CAMTA1: variants seen among roughly 807,000 people sequenced by gnomAD.
CAMTA1 encodes the protein calmodulin-binding transcription activator 1.
CAMTA1 carries 27 observed loss-of-function variants against 170.9 expected under a neutral mutation model. The ratio of observed to expected loss-of-function variants is 0.16; its 90% CI spans 0.12 to 0.22. The LOEUF is 0.22. CAMTA1 is among the 10% of genes least tolerant of loss of function. The probability of loss-of-function intolerance (pLI) is 1.00; values close to 1 mark genes in which losing one functional copy is unlikely to be tolerated. For missense variants in CAMTA1, 1,619 were observed against 2,217.2 expected (o/e 0.73, Z 5.42); for synonymous variants, 833 against 891.5 (o/e 0.93, Z 1.17).
rs61745647 is a variant in CAMTA1, at chr1:7,738,159, C to T, written c.3859C>T (p.Leu1287Phe). The T allele has an allele frequency of 1.9e-6, 3 of 1,614,118 alleles. No individual in the cohort carries two copies. The highest frequency in any genetic ancestry group is 2.5e-6 in the Non-Finnish European group (3 of 1,179,982). Residue 1287 changes from leucine (L) to phenylalanine (F), a missense_variant, in exon 16 of 23, where the codon CTC (leucine) becomes TTC (phenylalanine). Leu to Phe is a conservative substitution (Grantham distance 22, BLOSUM62 0). Transcript: ENST00000303635. The surrounding 1 kb of genome is among the most constrained non-coding windows in gnomAD (Gnocchi z 4.9). ...PSSKQSVPETLSPSEGVRDFS... is the reference protein window; with the variant it reads ...PSSKQSVPETFSPSEGVRDFS... ...TTCTAAGCAGTCTGTCCCCGAGACA[C>T]TCAGCCCCAGTGAAGGAGTGAGGGA...
chr1:7,637,543 A>G (rs1024633296), intron 6 of CAMTA1, among the ~76,000 whole-genome samples: 4 of 151,990 alleles, frequency 2.6e-5, no homozygotes, highest in African/African-American at 7.3e-5. Context: ...TACCCCCTCC[A>G]TGCAAAGGGC....
Position 7,736,679 on chromosome 1 carries a change from C to A in CAMTA1, c.3263+139C>A. 1.2e-6 allele frequency: 1 copy of A among 842,926 alleles called. No individual in the cohort carries two copies. The highest frequency in any genetic ancestry group is 1.9e-6 in the Non-Finnish European group (1 of 532,048). The allele number at this position is 842,926 out of a possible 1,614,324, so 52.2% of individuals were successfully genotyped here. On this transcript the variant is annotated intron_variant, in intron 13 of 22. Transcript: ENST00000303635. The surrounding 1 kb of genome is among the most constrained non-coding windows in gnomAD (Gnocchi z 4.5). ...GCGAGCAAAGGGCTTTGTCCTTGGACAGTTTCCAAGGGAGTTTTATAAACT... is the reference window on the plus strand; with the variant it reads ...GCGAGCAAAGGGCTTTGTCCTTGGAAAGTTTCCAAGGGAGTTTTATAAACT...
At chr1:7,053,123 A>G (rs1706708997) in intron 3 of CAMTA1, among the ~76,000 whole-genome samples, 1 of 152,198 alleles carries the variant, frequency 6.6e-6, no homozygotes, top group Non-Finnish European at 1.5e-5. Context: ...GCTCCTTGCC[A>G]AGGGCAACTC....
chr1:7,766,405 G>A, intron 22 of CAMTA1, 54 bp from the exon 23 acceptor site: 1 of 1,582,444 alleles, frequency 6.3e-7, no homozygotes, highest in Non-Finnish European at 8.7e-7. Context: ...CCTTTACTTG[G>A]TCACAATTCA....
chr1:7,475,202 A>G (rs1575516165), intron 6 of CAMTA1, among the ~76,000 whole-genome samples: 1 of 152,140 alleles, frequency 6.6e-6, no homozygotes, highest in East Asian at 1.9e-4. Flanking sequence ...TTGCTCAGCA[A>G]CCATTTTTAT....
In CAMTA1 at chr1:7,737,223, G is replaced by C; in HGVS notation, c.3343-32G>C. The stretch of plus-strand genomic sequence containing the variant: ...TCAGGTCTGGTCTTGACCTCTGATT[G>C]AGAACGCTTGCTGTGTCTCCCTGTC... On this transcript the variant is annotated intron_variant, in intron 14 of 22. Coordinates refer to ENST00000303635, the MANE Select transcript of CAMTA1 (RefSeq NM_015215.4). 6 of 1,597,652 alleles carry C rather than the reference G, an allele frequency of 3.8e-6. No individual in the cohort carries two copies. The South Asian group carries it at 4.5e-5, about 12-fold the overall frequency.
intron 7 of CAMTA1, among the ~76,000 whole-genome samples, chr1:7,650,654 G>A (rs72630531): frequency 0.026 from 3,941 of 152,140 alleles, 96 homozygotes; most frequent in Non-Finnish European, 0.033. Context: ...CGGCAGATAG[G>A]TCCCCGCATG....
chr1:7,476,518 A>G (rs2093422344), intron 6 of CAMTA1, among the ~76,000 whole-genome samples: 1 of 152,110 alleles, frequency 6.6e-6, no homozygotes, highest in Non-Finnish European at 1.5e-5. Context: ...GTGCTCAGTG[A>G]GACTAACAAG....
At chr1:6,897,472 C>CGT (rs1312498619) in intron 3 of CAMTA1, among the ~76,000 whole-genome samples, 1 of 19,312 alleles carries the variant, frequency 5.2e-5, no homozygotes, top group African/African-American at 2.2e-4. Context: ...CCATTTTTCT[C>CGT]ATATATACAC....
intron 6 of CAMTA1, among the ~76,000 whole-genome samples, chr1:7,603,779 G>A (rs1331132569): frequency 3.3e-5 from 5 of 152,126 alleles, no homozygotes; most frequent in East Asian, 1.9e-4. Context: ...TCCTAGCCTC[G>A]ATGGTCTTTA....
At chr1:7,417,336 A>C (rs1393295693) in intron 5 of CAMTA1, among the ~76,000 whole-genome samples, 2 of 152,266 alleles carry the variant, frequency 1.3e-5, no homozygotes, top group East Asian at 1.9e-4. Context: ...TGCAGAGGTT[A>C]CTGCTATCTT....
chr1:7,396,379 C>A (rs1362076774), intron 5 of CAMTA1, among the ~76,000 whole-genome samples: 1 of 152,158 alleles, frequency 6.6e-6, no homozygotes, highest in African/African-American at 2.4e-5. Flanking sequence ...CTAAATAAAT[C>A]TCTTTTCTTT....
At chr1:6,805,172 A>G (rs962954719) in intron 1 of CAMTA1, among the ~76,000 whole-genome samples, 1 of 152,238 alleles carries the variant, frequency 6.6e-6, no homozygotes, top group African/African-American at 2.4e-5. Flanking sequence ...ATTTCTCCAC[A>G]TTCTTGCAAA....
chr1:7,378,189 G>C (rs1162651060), intron 5 of CAMTA1, among the ~76,000 whole-genome samples: 1 of 152,184 alleles, frequency 6.6e-6, no homozygotes, highest in Admixed American at 6.5e-5. Context: ...GTGCTGGAGG[G>C]CAGTTGATCT....
At chr1:6,857,546 C>T (rs897894249) in intron 3 of CAMTA1, among the ~76,000 whole-genome samples, 1 of 152,070 alleles carries the variant, frequency 6.6e-6, no homozygotes, top group Non-Finnish European at 1.5e-5. Flanking sequence ...TCAAAGAAGC[C>T]AGAAAGTAGC....
At chr1:7,106,442 C>T (rs774663649) in intron 4 of CAMTA1, among the ~76,000 whole-genome samples, 4 of 152,102 alleles carry the variant, frequency 2.6e-5, no homozygotes, top group African/African-American at 9.7e-5. Flanking sequence ...CGGCCACTTC[C>T]CTCCACTCAC....
chr1:7,520,937 C>T (rs1226380986), intron 6 of CAMTA1, among the ~76,000 whole-genome samples: 1 of 144,430 alleles, frequency 6.9e-6, no homozygotes, highest in Non-Finnish European at 1.5e-5. Flanking sequence ...TGCACCCACA[C>T]ACCTCACCTT....
chr1:6,925,546 G>A (rs1049500027), intron 3 of CAMTA1, among the ~76,000 whole-genome samples: 3 of 152,052 alleles, frequency 2.0e-5, no homozygotes, highest in Non-Finnish European at 4.4e-5. Flanking sequence ...TGCTCCCCTC[G>A]GCGCCTTGGA....
chr1:6,955,548 A>G (rs1292095511), intron 3 of CAMTA1, among the ~76,000 whole-genome samples: 1 of 152,174 alleles, frequency 6.6e-6, no homozygotes, highest in African/African-American at 2.4e-5. Context: ...GGATAACAAG[A>G]AAGCCTCAAA....
Sources: allele counts gnomAD v4.1 joint callset (sites outside exome capture counted in the v4.1 genomes callset), GRCh38; gene constraint gnomAD v4.1.1; non-coding constraint Gnocchi (gnomAD v3.1); transcripts MANE v1.5; gene names NCBI Gene and HGNC (gene_info 2026-07-23, HGNC 2026-07-21).